Variants in MLN observed in about 807,000 individuals in gnomAD.
MLN encodes promotilin.
A neutral mutation model predicts 13.3 loss-of-function variants in MLN; 14 were observed. The observed-to-expected ratio is 1.05, with a 90% CI of 0.69 to 1.64. The LOEUF is 1.64. Among genes scored for constraint, MLN ranks in the 40% most tolerant of loss-of-function variants. The pLI is 0.00. For synonymous variants in MLN, 59 were observed against 54.7 expected (o/e 1.08, Z -0.34); for missense variants, 122 against 142.9 (o/e 0.85, Z 0.75).
intron 3 of MLN, among the ~76,000 whole-genome samples, chr6:33,797,707 C>A (rs1486612381): frequency 6.6e-6 from 1 of 152,222 alleles, no homozygotes; most frequent in Non-Finnish European, 1.5e-5. Flanking sequence ...CGAACTCTCT[C>A]TCTCTCTTTT....
chr6:33,795,677 T>C, intron 3 of MLN, 72 bp from the exon 4 acceptor site: 1 of 1,329,828 alleles, frequency 7.5e-7, no homozygotes, highest in Non-Finnish European at 1.1e-6. Flanking sequence ...GCACTACAGG[T>C]GGCAGGAGGG....
In MLN at chr6:33,794,803, C is replaced by T; in HGVS notation, c.*22G>A. The T allele has an allele frequency of 6.2e-7, 1 of 1,613,640 alleles. No homozygotes were observed. The highest frequency in any genetic ancestry group is 8.5e-7 in the Non-Finnish European group (1 of 1,179,782). The stretch of plus-strand genomic sequence containing the variant: ...GCAGGAGGGGCCTCCCAAATCTGTC[C>T]ACCTTCTCCCCAGCGTGGCCATCAC... On this transcript the variant is annotated 3_prime_UTR_variant, in exon 5 of 5. Transcript: ENST00000430124.
At chr6:33,800,582 CT>C (rs1452884403) in intron 2 of MLN, among the ~76,000 whole-genome samples, 1 of 152,254 alleles carries the variant, frequency 6.6e-6, no homozygotes, top group Non-Finnish European at 1.5e-5. Context: ...GGTGATTCTC[CT>C]TCCTTGAACC....
rs141301730 is a variant in MLN at position 33,801,744 on chromosome 6, G to A, written c.-7-574C>T. On this transcript the variant is annotated intron_variant, in intron 1 of 4. Transcript: ENST00000430124. Reference sequence around the variant, plus strand: ...GCATGGAGCTGTATCCCTGAGCCAAGAGGGCACCCCCTTCCCCGTTGGGGG... The same window carrying A: ...GCATGGAGCTGTATCCCTGAGCCAAAAGGGCACCCCCTTCCCCGTTGGGGG... Among the ~76,000 whole-genome samples the A allele has an allele frequency of 2.0e-3, 309 of 152,358 alleles. 1 individual carries two copies. Among genetic ancestry groups the A allele is most frequent in the Admixed American group, 3.2e-3 (49 of 15,312 alleles).
At position 33,796,927 on chromosome 6, in the gene MLN, C is replaced by T. The variant is rs181525728; in HGVS notation, c.235-1322G>A. 7.9e-5 allele frequency among the ~76,000 whole-genome samples: 12 copies of T among 152,322 alleles called. 1 individual carries two copies. Among genetic ancestry groups the T allele is most frequent in the Admixed American group, 5.9e-4 (9 of 15,298 alleles). ...ACCTTGGAGTTAGTGCCTCAAACTCCGACTCAGCTGCATTTAGGAGGTGAT... is the reference window on the plus strand; with the variant it reads ...ACCTTGGAGTTAGTGCCTCAAACTCTGACTCAGCTGCATTTAGGAGGTGAT... On this transcript the variant is annotated intron_variant, in intron 3 of 4. Transcript: ENST00000430124.
At chr6:33,794,942 G>T in intron 4 of MLN, 107 bp from the exon 5 acceptor site, 1 of 1,419,030 alleles carries the variant, frequency 7.0e-7, no homozygotes. Context: ...CACAAGGGCA[G>T]GCTGGGCGGG....
At chr6:33,794,997 G>C (rs1355311257) in intron 4 of MLN, among the ~76,000 whole-genome samples, 162 bp from the exon 5 acceptor site, 1 of 152,214 alleles carries the variant, frequency 6.6e-6, no homozygotes, top group Non-Finnish European at 1.5e-5. Context: ...TCTGTAGCCT[G>C]GGGCAAGTCA....
At chr6:33,795,664 G>C in intron 3 of MLN, 59 bp from the exon 4 acceptor site, 1 of 1,439,126 alleles carries the variant, frequency 6.9e-7, no homozygotes. Flanking sequence ...TTAACCCCTG[G>C]GTGCACTACA....
In MLN at chr6:33,803,301, T is replaced by TTTC. The variant is rs1402503413; in HGVS notation, c.-8+649_-8+651dup. Among the ~76,000 whole-genome samples the TTTC allele has an allele frequency of 1.4e-5, 2 of 144,558 alleles. No homozygotes were observed. Among genetic ancestry groups the TTTC allele is most frequent in the Non-Finnish European group, 1.5e-5 (1 of 66,182 alleles). 94.8% of individuals were successfully genotyped at this position (144,558 alleles called of 152,430 possible). On this transcript the variant is annotated intron_variant, in intron 1 of 4. Transcript: ENST00000430124. The surrounding 1 kb of genome is among the most constrained non-coding windows in gnomAD (Gnocchi z 4.5). ...GGTCAACTTTTTCTTTTCCTTTTCT[T>TTTC]TTCTTCTTTTTTTTTTTTTTTTCTG...
intron 3 of MLN, among the ~76,000 whole-genome samples, chr6:33,797,263 A>G (rs1391966671): frequency 2.6e-5 from 4 of 152,178 alleles, no homozygotes; most frequent in African/African-American, 7.2e-5. Context: ...ACCCACACTC[A>G]GGTCTGGGCC....
In MLN at chr6:33,799,169, G is replaced by C; in HGVS notation, c.170C>G (p.Ser57Cys). The stretch of plus-strand genomic sequence containing the variant: ...AGGGTCTACAGGACCTTCCTCCCCA[G>C]ACCTCTGCCATACACTCAGGGATTT... ...QKKSLSVWQR[S>C]GEEGPVDPAE... Residue 57 changes from serine to cysteine, a missense_variant, in exon 3 of 5, where the codon TCT becomes TGT. Ser to Cys is a moderately radical substitution (Grantham distance 112). Coordinates refer to ENST00000430124, the MANE Select transcript of MLN (RefSeq NM_002418.3). This position sits in a 1 kb window ranked among gnomAD's most constrained non-coding sequence, Gnocchi z 4.6. 1 of 1,613,082 alleles carries C rather than the reference G, an allele frequency of 6.2e-7. No individual in the cohort carries two copies. The highest frequency in any genetic ancestry group is 2.2e-5 in the East Asian group (1 of 44,850).
At position 33,794,769 on chromosome 6, in the gene MLN, C is replaced by G; in HGVS notation, c.*56G>C. ...GGCAGGCTCTGTAAATTCCCAGGGC[C>G]TCACTTGGGCAGGAGGGGCCTCCCA... On this transcript the variant is annotated 3_prime_UTR_variant, in exon 5 of 5. Coordinates refer to ENST00000430124, the MANE Select transcript of MLN (RefSeq NM_002418.3). 2 of 1,604,882 alleles carry G rather than the reference C, an allele frequency of 1.2e-6. No individual in the cohort carries two copies. Among genetic ancestry groups the G allele is most frequent in the South Asian group, 2.2e-5 (2 of 89,448 alleles).
rs1013535888 is a variant in MLN at position 33,803,488 on chromosome 6, AG to A, written c.-8+464del. On this transcript the variant is annotated intron_variant, in intron 1 of 4. Transcript: ENST00000430124. The surrounding 1 kb of genome is among the most constrained non-coding windows in gnomAD (Gnocchi z 4.5). ...TCGCATGGCTAATTTTTGTATTTTT[AG>A]TAGAGACAGGGTGTCACCATATTGG... Among the ~76,000 whole-genome samples the A allele has an allele frequency of 4.6e-5, 7 of 151,818 alleles. No individual in the cohort carries two copies. The highest frequency in any genetic ancestry group is 8.8e-5 in the Non-Finnish European group (6 of 67,932).
chr6:33,799,263 A>G lies in MLN; in HGVS notation c.118-42T>C. On this transcript the variant is annotated intron_variant, in intron 2 of 4. Transcript: ENST00000430124. The surrounding 1 kb of genome is among the most constrained non-coding windows in gnomAD (Gnocchi z 4.6). ...AAATTGCACAAAACCGCCCTCCCTC[A>G]ACCCACGCTGATGGCCCCTTGCCTG... 1.4e-6 allele frequency: 2 copies of G among 1,438,094 alleles called. No homozygotes were observed. The highest frequency in any genetic ancestry group is 2.3e-5 in the East Asian group (1 of 43,418). 89.1% of individuals were successfully genotyped at this position (1,438,094 alleles called of 1,614,324 possible).
At chr6:33,797,265 G>A (rs1767948072) in intron 3 of MLN, among the ~76,000 whole-genome samples, 1 of 152,204 alleles carries the variant, frequency 6.6e-6, no homozygotes, top group Admixed American at 6.5e-5. Context: ...CCACACTCAG[G>A]TCTGGGCCTC....
intron 2 of MLN, 60 bp downstream of exon 2, chr6:33,800,987 C>T: frequency 7.6e-7 from 1 of 1,314,420 alleles, no homozygotes. Context: ...CTTGGTATCA[C>T]CGGCATAGGT....
At position 33,794,787 on chromosome 6, in the gene MLN, GCCTCCCA is replaced by G. The variant is rs1412485807; in HGVS notation, c.*31_*37del. ...CCAGGGCCTCACTTGGGCAGGAGGG[GCCTCCCA>G]AATCTGTCCACCTTCTCCCCAGCGT... On this transcript the variant is annotated 3_prime_UTR_variant, in exon 5 of 5. Transcript: ENST00000430124. The G allele has an allele frequency of 6.2e-7, 1 of 1,611,660 alleles. No individual in the cohort carries two copies. Among genetic ancestry groups the G allele is most frequent in the African/African-American group, 1.3e-5 (1 of 74,848 alleles).
intron 1 of MLN, among the ~76,000 whole-genome samples, chr6:33,802,195 A>G (rs1297851152): frequency 1.3e-5 from 2 of 152,158 alleles, no homozygotes; most frequent in Non-Finnish European, 2.9e-5. Flanking sequence ...TGCCCATAGT[A>G]GGCAGAGGAA....
Position 33,801,158 on chromosome 6 carries a change from T to C in MLN, c.6A>G (p.Val2=). The stretch of plus-strand genomic sequence containing the variant: ...GCAGAGCAGCCACAGCCTTACGGGA[T>C]ACCATCTTGGAGCTGGACAATGACA... M[V]SRKAVAALLV... is the part of the protein sequence containing the mutation. Residue 2 remains valine (V), a synonymous_variant, in exon 2 of 5, where the codon GTA becomes GTG. Transcript: ENST00000430124. The C allele has an allele frequency of 1.2e-6, 2 of 1,613,058 alleles. No homozygotes were observed. Among genetic ancestry groups the C allele is most frequent in the Non-Finnish European group, 1.7e-6 (2 of 1,179,110 alleles).
Sources: allele counts gnomAD v4.1 joint callset (sites outside exome capture counted in the v4.1 genomes callset), GRCh38; gene constraint gnomAD v4.1.1; non-coding constraint Gnocchi (gnomAD v3.1); transcripts MANE v1.5; gene names NCBI Gene and HGNC (gene_info 2026-07-23, HGNC 2026-07-21).